Variants in DPH6 observed in about 807,000 individuals in gnomAD.
DPH6 encodes the protein diphthamine biosynthesis 6, also known as diphthine--ammonia ligase.
In DPH6, 33 loss-of-function variants were observed where a neutral mutation model predicts 38.2. That is an observed-to-expected ratio of 0.86 (90% CI 0.65 to 1.15). The LOEUF (loss-of-function observed/expected upper bound fraction) is 1.15. Ranked by LOEUF, DPH6 falls within the 50% of genes most tolerant of loss-of-function variation. The pLI is 0.00. For synonymous variants in DPH6, 108 were observed against 103.0 expected, an observed-to-expected ratio of 1.05 and a Z score of -0.30; for missense variants, 325 against 320.0, an observed-to-expected ratio of 1.02 and a Z score of -0.12.
At chr15:35,513,709 C>T (rs1595433319) in intron 3 of DPH6, among the ~76,000 whole-genome samples, 2 of 151,866 alleles carry the variant, frequency 1.3e-5, no homozygotes, top group Non-Finnish European at 2.9e-5. Flanking sequence ...CTTTATAGAT[C>T]CTAACTTTGT....
chr15:35,163,204 C>A, the DPH6 span, among the ~76,000 whole-genome samples: 1 of 151,786 alleles, frequency 6.6e-6, no homozygotes, highest in Non-Finnish European at 1.5e-5. Flanking sequence ...CTGCTACTGA[C>A]CCCAGAAAAC....
chr15:35,459,315 G>A (rs1472980735), intron 3 of DPH6, among the ~76,000 whole-genome samples: 3 of 152,110 alleles, frequency 2.0e-5, no homozygotes, highest in African/African-American at 4.8e-5. Flanking sequence ...GGGAGAAAGT[G>A]CAAACTCCTT....
chr15:35,390,803 C>A (rs1040594017), intron 6 of DPH6, among the ~76,000 whole-genome samples: 1 of 152,114 alleles, frequency 6.6e-6, no homozygotes, highest in African/African-American at 2.4e-5. Context: ...TCCTTTAGCT[C>A]GGAGTAGTTT....
rs201338235 is a variant in DPH6, at chr15:35,380,089, CCTTT to C, written c.662+1729_662+1732del. 8.9e-3 allele frequency among the ~76,000 whole-genome samples: 1,349 copies of C among 152,190 alleles called. 21 individuals carry two copies. Among genetic ancestry groups the C allele is most frequent in the African/African-American group, 0.031 (1,284 of 41,518 alleles). On this transcript the variant is annotated intron_variant, in intron 7 of 8. Coordinates refer to ENST00000256538, the MANE Select transcript of DPH6 (RefSeq NM_080650.4). ...GAGTAACAATGAAAAGACAGGGCTT[CCTTT>C]GTGTTTACAAGGTACATACCTGCGT... is the stretch of plus-strand genomic sequence containing the variant.
At chr15:35,162,395 G>A in the DPH6 span, among the ~76,000 whole-genome samples, 1 of 151,772 alleles carries the variant, frequency 6.6e-6, no homozygotes, top group Non-Finnish European at 1.5e-5. Context: ...TCTTTCCAAT[G>A]TTTTGTTTAT....
rs118110976 is a variant in DPH6, at chr15:35,518,395, C to A, written c.312+19879G>T. ...TATAGCTAGAAAACACAAATAAGGGCTCTAGACTATTATTACTAAGAACCC... is the reference window on the plus strand; with the variant it reads ...TATAGCTAGAAAACACAAATAAGGGATCTAGACTATTATTACTAAGAACCC... On this transcript the variant is annotated intron_variant, in intron 3 of 8. Transcript: ENST00000256538. Among the ~76,000 whole-genome samples the A allele has an allele frequency of 6.8e-4, 104 of 152,080 alleles. 2 individuals carry two copies. In the East Asian group the frequency reaches 0.019, roughly 27 times the overall value.
At chr15:35,168,753 T>C in the DPH6 span, among the ~76,000 whole-genome samples, 6 of 152,078 alleles carry the variant, frequency 3.9e-5, no homozygotes, top group Non-Finnish European at 5.9e-5. Context: ...GTAGGCAAGA[T>C]GCAAAAAGGA....
the DPH6 span, among the ~76,000 whole-genome samples, chr15:35,166,541 CTAAGAGT>C: frequency 1.3e-5 from 2 of 151,812 alleles, no homozygotes; most frequent in Admixed American, 1.3e-4. Context: ...TCCCACAATA[CTAAGAGT>C]TAAGAATGAT....
At chr15:35,206,111 A>C in the DPH6 span, among the ~76,000 whole-genome samples, 1 of 152,192 alleles carries the variant, frequency 6.6e-6, no homozygotes. Flanking sequence ...TGATTGCGAA[A>C]ATAAGGCATG....
chr15:35,281,908 G>A (rs566798363), intron 3 of DPH6, among the ~76,000 whole-genome samples: 1 of 152,176 alleles, frequency 6.6e-6, no homozygotes, highest in Non-Finnish European at 1.5e-5. Context: ...TTGTTTGTTT[G>A]CTTATTTTCA....
At chr15:35,543,658 T>C (rs925432067) in intron 1 of DPH6, among the ~76,000 whole-genome samples, 3 of 152,096 alleles carry the variant, frequency 2.0e-5, no homozygotes, top group African/African-American at 7.2e-5. Flanking sequence ...ATCTTAGTTT[T>C]CAACATTTCT....
At chr15:35,432,709 G>A (rs2053647894) in intron 5 of DPH6, among the ~76,000 whole-genome samples, 1 of 152,088 alleles carries the variant, frequency 6.6e-6, no homozygotes, top group Non-Finnish European at 1.5e-5. Flanking sequence ...CTGAGAGGAA[G>A]AAATGAAAAT....
intron 6 of DPH6, chr15:35,400,677 T>A (rs2053205507): frequency 6.2e-6 from 4 of 643,132 alleles, no homozygotes; most frequent in Non-Finnish European, 1.1e-5. Flanking sequence ...AAAGTCTCTC[T>A]TCCCCCTGCC....
chr15:35,509,847 C>T (rs938786793), intron 3 of DPH6, among the ~76,000 whole-genome samples: 4 of 152,156 alleles, frequency 2.6e-5, no homozygotes, highest in Non-Finnish European at 4.4e-5. Flanking sequence ...ACCTCAGGAA[C>T]CAGCCACATT....
At chr15:35,512,581 T>C (rs917948773) in intron 3 of DPH6, among the ~76,000 whole-genome samples, 1 of 152,108 alleles carries the variant, frequency 6.6e-6, no homozygotes, top group Non-Finnish European at 1.5e-5. Flanking sequence ...TTGTATTACA[T>C]GACTGAATTG....
chr15:35,150,090 C>T, the DPH6 span, among the ~76,000 whole-genome samples: 6 of 152,182 alleles, frequency 3.9e-5, no homozygotes, highest in Admixed American at 1.3e-4. Context: ...GGGAGTCTTA[C>T]GACTTTTTAA....
intron 3 of DPH6, among the ~76,000 whole-genome samples, chr15:35,482,086 G>A (rs1012449703): frequency 2.0e-5 from 3 of 152,158 alleles, no homozygotes; most frequent in African/African-American, 7.2e-5. Context: ...GTGAAAAATA[G>A]CAGTTTTACT....
rs6145522 is a variant in DPH6 at position 35,543,259 on chromosome 15, A to AATATAT, written c.24-758_24-753dup. Among the ~76,000 whole-genome samples, 1,137 of 113,714 alleles carry AATATAT rather than the reference A, an allele frequency of 1.0e-2. 10 individuals are homozygous for AATATAT. Among genetic ancestry groups the AATATAT allele is most frequent in the Non-Finnish European group, 0.012 (712 of 58,912 alleles). 74.6% of individuals were successfully genotyped at this position (113,714 alleles called of 152,430 possible). A position where few individuals can be genotyped will look rare whatever the true frequency, so the allele number is the denominator to read the frequency against. Reference sequence around the variant, plus strand: ...ATACATATAGTACACACATACACATAATATATATATATATATATATATATA... The same window carrying AATATAT: ...ATACATATAGTACACACATACACATAATATATATATATATATATATATATATATATA... On this transcript the variant is annotated intron_variant, in intron 1 of 8. Transcript: ENST00000256538.
At chr15:35,185,970 G>T in the DPH6 span, among the ~76,000 whole-genome samples, 1 of 151,918 alleles carries the variant, frequency 6.6e-6, no homozygotes, top group African/African-American at 2.4e-5. Flanking sequence ...TCCTGACCTC[G>T]TGATCCGCTT....
Sources: allele counts gnomAD v4.1 joint callset (sites outside exome capture counted in the v4.1 genomes callset), GRCh38; gene constraint gnomAD v4.1.1; transcripts MANE v1.5; gene names NCBI Gene and HGNC (gene_info 2026-07-23, HGNC 2026-07-21).